The following ADCY8 variants were observed in gnomAD, a reference collection of about 807,000 sequenced individuals.
ADCY8 encodes adenylate cyclase type 8.
Under a neutral mutation model 119.7 loss-of-function variants are expected in ADCY8, and 51 were observed. The ratio of observed to expected loss-of-function variants is 0.43; its 90% CI spans 0.34 to 0.54. The LOEUF (loss-of-function observed/expected upper bound fraction) is 0.54, where lower values mean the gene tolerates loss of function less well. ADCY8 is among the 20% of genes least tolerant of loss of function. ADCY8 has a pLI of 0.03. For synonymous variants in ADCY8, 665 were observed against 651.0 expected, an observed-to-expected ratio of 1.02 and a Z score of -0.33; for missense variants, 1,383 against 1,598.8, an observed-to-expected ratio of 0.87 and a Z score of 2.30.
At chr8:130,972,989 C>T (rs1437993512) in intron 2 of ADCY8, among the ~76,000 whole-genome samples, 4 of 152,074 alleles carry the variant, frequency 2.6e-5, no homozygotes, top group Non-Finnish European at 4.4e-5. Context: ...GAGCTAAATC[C>T]TTCTCCACAT....
At chr8:131,009,443 A>G (rs1823230978) in intron 1 of ADCY8, among the ~76,000 whole-genome samples, 1 of 152,112 alleles carries the variant, frequency 6.6e-6, no homozygotes, top group Admixed American at 6.5e-5. Flanking sequence ...AGTCCTCAGG[A>G]CATCTGATGG....
Position 130,929,157 on chromosome 8 carries a change from C to T in ADCY8, c.1481+7916G>A, listed in dbSNP as rs534463608. Among the ~76,000 whole-genome samples, 3 of 151,734 alleles carry T rather than the reference C, an allele frequency of 2.0e-5. No individual in the cohort carries two copies. In the East Asian group the frequency reaches 5.8e-4, roughly 29 times the overall value. ...TTTATTTTTTCTAGTCTATTTCTGT[C>T]CTGATTTTTATTATTTTCTTTCTTC... On this transcript the variant is annotated intron_variant, in intron 5 of 17. Coordinates refer to ENST00000286355, the MANE Select transcript of ADCY8 (RefSeq NM_001115.3).
At chr8:130,974,114 C>A (rs1822002513) in intron 2 of ADCY8, among the ~76,000 whole-genome samples, 1 of 152,210 alleles carries the variant, frequency 6.6e-6, no homozygotes, top group Admixed American at 6.5e-5. Flanking sequence ...ACCTATCCAA[C>A]AAAGCACCCT....
chr8:131,022,183 C>T (rs1047533508), intron 1 of ADCY8, among the ~76,000 whole-genome samples: 1 of 152,042 alleles, frequency 6.6e-6, no homozygotes, highest in Non-Finnish European at 1.5e-5. Flanking sequence ...TGCAGTTTTG[C>T]TACATAGGTA....
At chr8:130,996,470 C>A (rs1252701136) in intron 1 of ADCY8, among the ~76,000 whole-genome samples, 1 of 151,968 alleles carries the variant, frequency 6.6e-6, no homozygotes, top group African/African-American at 2.4e-5. Flanking sequence ...ACTGTCACAG[C>A]AGAGAAAAAC....
chr8:130,971,749 G>A (rs890119670), intron 2 of ADCY8, among the ~76,000 whole-genome samples: 5 of 152,142 alleles, frequency 3.3e-5, no homozygotes, highest in Admixed American at 3.3e-4. Flanking sequence ...TTAGCTAGAT[G>A]GATAAGAGTG....
chr8:131,014,044 C>A (rs992452406), intron 1 of ADCY8, among the ~76,000 whole-genome samples: 1 of 152,148 alleles, frequency 6.6e-6, no homozygotes, highest in African/African-American at 2.4e-5. Context: ...AATAACTTTA[C>A]AAAGTTTCTC....
At chr8:131,007,414 C>T (rs902752969) in intron 1 of ADCY8, among the ~76,000 whole-genome samples, 3 of 152,132 alleles carry the variant, frequency 2.0e-5, no homozygotes, top group African/African-American at 7.2e-5. Flanking sequence ...TTGGTTGTCA[C>T]ATCTAGAGAG....
At chr8:130,970,975 C>T (rs1821906414) in intron 2 of ADCY8, among the ~76,000 whole-genome samples, 1 of 152,186 alleles carries the variant, frequency 6.6e-6, no homozygotes. Flanking sequence ...GAAAGAAAGA[C>T]ATTCGGGATA....
chr8:130,797,810 T>C (rs1426255083), intron 15 of ADCY8, among the ~76,000 whole-genome samples: 1 of 152,212 alleles, frequency 6.6e-6, no homozygotes, highest in African/African-American at 2.4e-5. Context: ...TCACGTCTTA[T>C]CCATCTTGAC....
intron 12 of ADCY8, 86 bp downstream of exon 12, chr8:130,836,191 G>C: frequency 2.1e-6 from 3 of 1,396,176 alleles, no homozygotes; most frequent in Non-Finnish European, 2.9e-6. Flanking sequence ...TTAAGTTTTA[G>C]TAATGCAGCG....
rs773491638 is a variant in ADCY8, at chr8:130,780,565, G to A, written c.3581C>T (p.Ala1194Val). The A allele has an allele frequency of 4.3e-6, 7 of 1,614,020 alleles. No homozygotes were observed. Among genetic ancestry groups the A allele is most frequent in the South Asian group, 1.1e-5 (1 of 91,082 alleles). The change falls in exon 18 of 18, where the codon GCG (alanine) becomes GTG (valine). Residue 1194 changes from alanine (A) to valine (V), a missense_variant. Physicochemically the swap from Ala to Val is moderately conservative, Grantham distance 64. This residue lies in a region of ADCY8 where 928 missense variants were observed against 1,163.5 expected (regional missense o/e 0.80). Coordinates refer to ENST00000286355, the MANE Select transcript of ADCY8 (RefSeq NM_001115.3). ...RRLPGQYSLA[A>V]VVLGLVQSLN... ...GGACTGGACAAGTCCCAGGACAACC[G>A]CGGCCAGGGAGTACTGCCCAGGCAG...
At chr8:130,917,648 G>T (rs1217360230) in intron 5 of ADCY8, among the ~76,000 whole-genome samples, 2 of 152,166 alleles carry the variant, frequency 1.3e-5, no homozygotes. Context: ...CGCCAAGTCA[G>T]CATTTCCTTG....
chr8:130,828,481 G>A (rs932742643), intron 12 of ADCY8, among the ~76,000 whole-genome samples: 5 of 151,828 alleles, frequency 3.3e-5, no homozygotes, highest in Non-Finnish European at 5.9e-5. Context: ...GGCATTTCCA[G>A]GTCTCTCTCT....
chr8:130,895,224 G>T (rs1206338828), intron 7 of ADCY8, among the ~76,000 whole-genome samples: 1 of 151,930 alleles, frequency 6.6e-6, no homozygotes, highest in East Asian at 1.9e-4. Flanking sequence ...GGTCTTGTTT[G>T]TCAGCCCTCA....
At position 130,937,117 on chromosome 8, in the gene ADCY8, G is replaced by C; in HGVS notation, c.1437C>G (p.Ala479=). The change falls in exon 5 of 18, where the codon GCC becomes GCG. Residue 479 remains alanine, a synonymous_variant. Coordinates refer to ENST00000286355, the MANE Select transcript of ADCY8 (RefSeq NM_001115.3). ...TGAGACCCATTTCAACACAGCAGTG[G>C]GCATGGTCCTGGCGGGGCTCAGGAA... ...SGLPEPRQDH[A]HCCVEMGLSM... 1 of 1,613,850 alleles carries C rather than the reference G, an allele frequency of 6.2e-7. No homozygotes were observed. The highest frequency in any genetic ancestry group is 8.5e-7 in the Non-Finnish European group (1 of 1,179,860).
intron 2 of ADCY8, among the ~76,000 whole-genome samples, chr8:130,978,025 C>T (rs1269352972): frequency 6.6e-6 from 1 of 152,186 alleles, no homozygotes; most frequent in Non-Finnish European, 1.5e-5. Flanking sequence ...AGGCCCTGTG[C>T]TCTGCACTGG....
chr8:131,016,390 G>C (rs927407198), intron 1 of ADCY8, among the ~76,000 whole-genome samples: 1 of 152,298 alleles, frequency 6.6e-6, no homozygotes, highest in African/African-American at 2.4e-5. Flanking sequence ...CATAGTCCCA[G>C]CTACTCAGGA....
chr8:130,990,079 T>C (rs186572503), intron 2 of ADCY8, among the ~76,000 whole-genome samples: 4 of 152,346 alleles, frequency 2.6e-5, no homozygotes, highest in East Asian at 3.9e-4. Flanking sequence ...GGGTCAAAGA[T>C]AGGCATGCCG....
Sources: gnomAD v4.1 joint callset for allele counts (sites outside exome capture counted in the v4.1 genomes callset) on GRCh38, gnomAD v4.1.1 for gene constraint, gnomAD v4.1.1 regional missense constraint, MANE v1.5 for transcripts, NCBI Gene and HGNC (gene_info 2026-07-23, HGNC 2026-07-21) for gene names.